The following GTF2F2 variants were observed in gnomAD, a reference collection of about 807,000 sequenced individuals.
GTF2F2 encodes ATP-dependent helicase GTF2F2.
GTF2F2 carries 23 observed loss-of-function variants against 42.2 expected under a neutral mutation model. The observed-to-expected ratio is 0.55, with a 90% confidence interval of 0.39 to 0.77. GTF2F2 has a LOEUF of 0.77. GTF2F2 is among the 30% of genes least tolerant of loss of function. GTF2F2 has a pLI of 0.00. For missense variants in GTF2F2, 261 were observed against 287.2 expected (o/e 0.91, Z 0.66); for synonymous variants, 105 against 100.8 (o/e 1.04, Z -0.25).
intron 5 of GTF2F2, among the ~76,000 whole-genome samples, chr13:45,225,295 A>G (rs1225789168): frequency 6.6e-6 from 1 of 152,092 alleles, no homozygotes; most frequent in Non-Finnish European, 1.5e-5. Flanking sequence ...TTCATCTGTA[A>G]TTTAAACTAT....
At chr13:45,268,688 A>G (rs1286059963) in intron 7 of GTF2F2, among the ~76,000 whole-genome samples, 1 of 152,046 alleles carries the variant, frequency 6.6e-6, no homozygotes, top group Non-Finnish European at 1.5e-5. Context: ...TTATATATAT[A>G]AATATATCTG....
At position 45,265,528 on chromosome 13, in the gene GTF2F2, G is replaced by GT. The variant is rs1876528739; in HGVS notation, c.487-1702dup. Among the ~76,000 whole-genome samples, 3 of 152,162 alleles carry GT rather than the reference G, an allele frequency of 2.0e-5. No individual in the cohort carries two copies. In the South Asian group the frequency reaches 6.2e-4, roughly 32 times the overall value. On this transcript the variant is annotated intron_variant, in intron 6 of 7. Transcript: ENST00000340473. Reference sequence around the variant, plus strand: ...GCTTAATCTGCTGAAGCTCAGTGGAGTTTGAGTTTTACTCCCAGTTCGTAC... The same window carrying GT: ...GCTTAATCTGCTGAAGCTCAGTGGAGTTTTGAGTTTTACTCCCAGTTCGTAC...
chr13:45,280,590 A>G (rs1299961046), intron 7 of GTF2F2, among the ~76,000 whole-genome samples: 3 of 152,172 alleles, frequency 2.0e-5, no homozygotes, highest in Non-Finnish European at 2.9e-5. Context: ...TTGACTGACT[A>G]TGGTCATCTC....
chr13:45,194,379 T>A, intron 4 of GTF2F2: 1 of 1,614,204 alleles, frequency 6.2e-7, no homozygotes, highest in Non-Finnish European at 8.5e-7. Context: ...TTTTTCCATT[T>A]ACTATACCTT....
chr13:45,226,920 TG>T (rs1874386001), intron 5 of GTF2F2, among the ~76,000 whole-genome samples: 1 of 152,158 alleles, frequency 6.6e-6, no homozygotes, highest in Non-Finnish European at 1.5e-5. Context: ...GGTAAGACCC[TG>T]TCTCTACAAA....
chr13:45,150,396 A>G (rs984793241), intron 3 of GTF2F2, among the ~76,000 whole-genome samples: 4 of 152,152 alleles, frequency 2.6e-5, no homozygotes, highest in South Asian at 4.1e-4. Flanking sequence ...AATACCATGT[A>G]CTCATACAGT....
At chr13:45,159,327 A>G (rs1215325337) in intron 4 of GTF2F2, among the ~76,000 whole-genome samples, 1 of 152,258 alleles carries the variant, frequency 6.6e-6, no homozygotes, top group Non-Finnish European at 1.5e-5. Flanking sequence ...GAAATTGTAG[A>G]ATTTATAATC....
rs1869849143 is a variant in GTF2F2 at position 45,140,133 on chromosome 13, C to CT, written c.140+3327_140+3328insT. 2.8e-5 allele frequency among the ~76,000 whole-genome samples: 4 copies of CT among 144,750 alleles called. No individual in the cohort carries two copies. The South Asian group carries it at 8.7e-4, about 31-fold the overall frequency. 95.0% of individuals were successfully genotyped at this position (144,750 alleles called of 152,430 possible). On this transcript the variant is annotated intron_variant, in intron 2 of 7. Transcript: ENST00000340473. ...CAGCTAATTTTTTTTTTTTTTTTCT[C>CT]GTAGAGGCAGAGTCTCCCTGTGTTG...
At chr13:45,178,488 C>T (rs1284670420) in intron 4 of GTF2F2, among the ~76,000 whole-genome samples, 1 of 149,464 alleles carries the variant, frequency 6.7e-6, no homozygotes, top group East Asian at 2.0e-4. Context: ...ATTCCAATCT[C>T]TGAAGTCTTT....
rs1017810417 is a variant in GTF2F2 at position 45,141,346 on chromosome 13, T to C, written c.140+4540T>C. 2.6e-5 allele frequency among the ~76,000 whole-genome samples: 4 copies of C among 152,214 alleles called. No individual in the cohort carries two copies. The South Asian group carries it at 8.3e-4, about 32-fold the overall frequency. ...TTGCTTGGTAGAAAATCTCAAGGTC[T>C]TTTTCTTTCTTAGTTTAAAGCAGAT... On this transcript the variant is annotated intron_variant, in intron 2 of 7. Coordinates refer to ENST00000340473, the MANE Select transcript of GTF2F2 (RefSeq NM_004128.3).
At chr13:45,139,973 T>G (rs1869841112) in intron 2 of GTF2F2, among the ~76,000 whole-genome samples, 2 of 152,242 alleles carry the variant, frequency 1.3e-5, no homozygotes, top group Admixed American at 6.5e-5. Flanking sequence ...TCTGTATACT[T>G]TAAAGCATCT....
intron 2 of GTF2F2, among the ~76,000 whole-genome samples, chr13:45,147,704 T>C (rs996674788): frequency 6.6e-6 from 1 of 152,240 alleles, no homozygotes; most frequent in Admixed American, 6.5e-5. Context: ...TAAACAAATC[T>C]GCGGAAAAAT....
chr13:45,133,719 A>C (rs1408747614), intron 1 of GTF2F2, among the ~76,000 whole-genome samples: 1 of 152,186 alleles, frequency 6.6e-6, no homozygotes, highest in Non-Finnish European at 1.5e-5. Context: ...ATCCTGAGTT[A>C]TGAACCTGTT....
chr13:45,143,500 A>G (rs1870034728), intron 2 of GTF2F2, among the ~76,000 whole-genome samples: 1 of 152,228 alleles, frequency 6.6e-6, no homozygotes, highest in South Asian at 2.1e-4. Context: ...TACGTAGTTA[A>G]TAAGAGTTCT....
At chr13:45,207,364 A>G in intron 4 of GTF2F2, 60 bp from the exon 5 acceptor site, 1 of 1,003,262 alleles carries the variant, frequency 1.0e-6, no homozygotes, top group South Asian at 1.3e-5. Context: ...TTAGTGTGTC[A>G]AAATACAGTC....
At chr13:45,235,947 C>G (rs1874956135) in intron 5 of GTF2F2, among the ~76,000 whole-genome samples, 1 of 151,936 alleles carries the variant, frequency 6.6e-6, no homozygotes, top group Non-Finnish European at 1.5e-5. Context: ...TAAGTCTTTA[C>G]TATTTACCAC....
intron 3 of GTF2F2, among the ~76,000 whole-genome samples, chr13:45,150,058 G>T (rs185951684): frequency 1.7e-4 from 26 of 152,132 alleles, no homozygotes; most frequent in Admixed American, 1.6e-3. Context: ...TTACTAATAC[G>T]TTAGTATTAC....
At chr13:45,145,968 C>T (rs965532182) in intron 2 of GTF2F2, among the ~76,000 whole-genome samples, 4 of 152,134 alleles carry the variant, frequency 2.6e-5, no homozygotes, top group African/African-American at 7.2e-5. Flanking sequence ...TGCTCTCACC[C>T]GCCAGGCTCT....
chr13:45,192,184 A>G (rs1872685605), intron 4 of GTF2F2, among the ~76,000 whole-genome samples: 2 of 152,182 alleles, frequency 1.3e-5, no homozygotes, highest in African/African-American at 4.8e-5. Flanking sequence ...GTTTTAAAGT[A>G]TGTAAAAGAT....
Sources: gnomAD v4.1 joint callset for allele counts (sites outside exome capture counted in the v4.1 genomes callset) on GRCh38, gnomAD v4.1.1 for gene constraint, MANE v1.5 for transcripts, NCBI Gene and HGNC (gene_info 2026-07-23, HGNC 2026-07-21) for gene names.